Variants in TMC4 observed in about 807,000 individuals in gnomAD.
TMC4 encodes transmembrane channel like 4, also known as voltage-gated chloride channel TMC4.
In TMC4, 70 loss-of-function variants were observed where a neutral mutation model predicts 82.0. That is an observed-to-expected ratio of 0.85 (90% CI 0.70 to 1.04). TMC4 has a LOEUF of 1.04. TMC4 is among the 50% of genes least tolerant of loss of function. The probability of loss-of-function intolerance (pLI) is 0.00; values close to 1 mark genes in which losing one functional copy is unlikely to be tolerated. For synonymous variants in TMC4, 446 were observed against 406.0 expected, an observed-to-expected ratio of 1.10 and a Z score of -1.18; for missense variants, 879 against 899.0, an observed-to-expected ratio of 0.98 and a Z score of 0.28.
At position 54,168,448 on chromosome 19, in the gene TMC4, C is replaced by T. The variant is rs540864102; in HGVS notation, c.675G>A (p.Glu225=). The change falls in exon 4 of 15, where the codon GAG becomes GAA. Residue 225 remains glutamate (E), a splice_region_variant and synonymous_variant. Transcript: ENST00000619895. ...ATQLFNLLSG[E]GYLEWSPLFY... ...ATCCCCCAGGGACCCAGGCACCTAC[C>T]TCACCCGAGAGCAAGTTGAAGAGCT... is the stretch of plus-strand genomic sequence containing the variant. 13 of 1,542,096 alleles carry T rather than the reference C, an allele frequency of 8.4e-6. No homozygotes were observed. The African/African-American group carries it at 1.6e-4, about 20-fold the overall frequency.
chr19:54,172,848 C>T (rs1267197521), intron 1 of TMC4, 191 bp downstream of exon 1: 4 of 583,538 alleles, frequency 6.9e-6, no homozygotes, highest in Non-Finnish European at 1.2e-5. Context: ...TAGCCTGGTT[C>T]TCCAGGCTCC....
chr19:54,168,047 G>C, intron 5 of TMC4, 124 bp downstream of exon 5: 3 of 1,232,178 alleles, frequency 2.4e-6, no homozygotes, highest in Non-Finnish European at 3.3e-6. Context: ...TGGGCAATAA[G>C]AGCAAAACTC....
chr19:54,163,693 T>A, intron 8 of TMC4, 31 bp downstream of exon 8: 1 of 1,610,126 alleles, frequency 6.2e-7, no homozygotes. Flanking sequence ...CCACCCTTCA[T>A]CATTCCCAGC....
At chr19:54,161,405 C>G in intron 11 of TMC4, 145 bp from the exon 12 acceptor site, 1 of 989,654 alleles carries the variant, frequency 1.0e-6, no homozygotes, top group Admixed American at 3.7e-5. Flanking sequence ...GTCGCCCAGG[C>G]TGGAGTGCAG....
intron 5 of TMC4, among the ~76,000 whole-genome samples, chr19:54,167,709 C>T (rs868679518): frequency 6.6e-6 from 1 of 150,972 alleles, no homozygotes; most frequent in African/African-American, 2.4e-5. Flanking sequence ...CCTGGGCCAC[C>T]GCTCCTGGCC....
intron 13 of TMC4, 99 bp from the exon 14 acceptor site, chr19:54,160,644 T>C: frequency 6.4e-7 from 1 of 1,567,386 alleles, no homozygotes; most frequent in Non-Finnish European, 8.6e-7. Flanking sequence ...CCTAAGCCCC[T>C]CCTCGTCTGG....
At chr19:54,168,063 CAA>C (rs56242780) in intron 5 of TMC4, 106 bp downstream of exon 5, 161 of 1,043,112 alleles carry the variant, frequency 1.5e-4, no homozygotes, top group Middle Eastern at 4.6e-4. Flanking sequence ...AACTCCGTCT[CAA>C]AAAAAAAAAG....
intron 5 of TMC4, 76 bp from the exon 6 acceptor site, chr19:54,165,642 G>T: frequency 2.0e-6 from 3 of 1,487,970 alleles, no homozygotes; most frequent in Non-Finnish European, 1.8e-6. Flanking sequence ...CCCTCATATT[G>T]GGACAAATGG....
intron 11 of TMC4, among the ~76,000 whole-genome samples, chr19:54,161,822 G>A (rs1258937887): frequency 6.6e-6 from 1 of 152,178 alleles, no homozygotes; most frequent in Non-Finnish European, 1.5e-5. Context: ...GATTACAGGC[G>A]TGAGCCACTG....
Position 54,171,096 on chromosome 19 carries a change from C to CATATATAT in TMC4, c.293+773_293+774insATATATAT, listed in dbSNP as rs2075874594. Reference sequence around the variant, plus strand: ...ACATATATATGTGTATATATATACACACATATGCATATATATACGCATATA... The same window carrying CATATATAT: ...ACATATATATGTGTATATATATACACATATATATACATATGCATATATATACGCATATA... On this transcript the variant is annotated intron_variant, in intron 2 of 14. Coordinates refer to ENST00000619895, the MANE Select transcript of TMC4 (RefSeq NM_144686.4). 2.4e-4 allele frequency among the ~76,000 whole-genome samples: 7 copies of CATATATAT among 29,304 alleles called. No individual in the cohort carries two copies. The East Asian group carries it at 6.8e-3, about 29-fold the overall frequency. The allele number at this position is 29,304 out of a possible 152,430, so 19.2% of individuals were successfully genotyped here.
intron 6 of TMC4, among the ~76,000 whole-genome samples, 182 bp downstream of exon 6, chr19:54,165,237 G>A (rs995698083): frequency 6.6e-6 from 1 of 152,008 alleles, no homozygotes; most frequent in Non-Finnish European, 1.5e-5. Context: ...CACGCTTGGA[G>A]CTCGGGCAGC....
chr19:54,161,227 G>C lies in TMC4; in HGVS notation c.1720C>G (p.Arg574Gly). 2.5e-6 allele frequency: 4 copies of C among 1,571,894 alleles called. No homozygotes were observed. The highest frequency in any genetic ancestry group is 2.0e-4 in the Middle Eastern group (1 of 4,920). The stretch of plus-strand genomic sequence containing the variant: ...TTCGCCGCGGAGGCCCGGAAGGTGC[G>C]GGCAGCCGGGGAGCAGGTGGAGAAG... Reference protein sequence around the residue: ...TLFSTCSPAARTFRASAANFF... With the variant: ...TLFSTCSPAAGTFRASAANFF... Residue 574 changes from arginine to glycine, a missense_variant, in exon 12 of 15, where the codon CGC (arginine) becomes GGC (glycine). By Grantham distance (125) the Arg-to-Gly change is moderately radical. Transcript: ENST00000619895.
intron 6 of TMC4, 29 bp from the exon 7 acceptor site, chr19:54,164,630 C>T (rs375478080): frequency 5.5e-5 from 88 of 1,609,598 alleles, no homozygotes; most frequent in Non-Finnish European, 6.7e-5. Context: ...CCCGCTTGGA[C>T]TCCATTTCCC....
At chr19:54,164,667 G>A (rs549533231) in intron 6 of TMC4, 66 bp from the exon 7 acceptor site, 3 of 1,594,098 alleles carry the variant, frequency 1.9e-6, no homozygotes, top group African/African-American at 1.3e-5. Context: ...GGTTCCCCAG[G>A]TCTGGCTCTC....
chr19:54,164,440 C>T lies in TMC4; in HGVS notation c.1107G>A (p.Glu369=). Reference sequence around the variant, plus strand: ...CTTCCAAGACCGTCCGCACCTGCAGCTCCACGGTGCACCCCGTAGCCCAGT... The same window carrying T: ...CTTCCAAGACCGTCCGCACCTGCAGTTCCACGGTGCACCCCGTAGCCCAGT... ...GVYWATGCTV[E]LQEMPLVQEL... The change falls in exon 7 of 15, where the codon GAG becomes GAA. Residue 369 remains glutamate, a synonymous_variant. Coordinates refer to ENST00000619895, the MANE Select transcript of TMC4 (RefSeq NM_144686.4). The T allele has an allele frequency of 6.2e-7, 1 of 1,611,252 alleles. No homozygotes were observed. The highest frequency in any genetic ancestry group is 1.7e-5 in the Admixed American group (1 of 59,842).
At chr19:54,173,013 T>C (rs372183913) in intron 1 of TMC4, 26 bp downstream of exon 1, 1 of 1,604,520 alleles carries the variant, frequency 6.2e-7, no homozygotes, top group Non-Finnish European at 8.5e-7. Context: ...GTCGGATGGA[T>C]CTGAGCTTCT....
chr19:54,163,539 C>G, intron 8 of TMC4, 185 bp downstream of exon 8: 1 of 718,484 alleles, frequency 1.4e-6, no homozygotes, highest in Non-Finnish European at 2.4e-6. Context: ...AACTCCTGAC[C>G]TCAGCCTCGG....
At position 54,168,603 on chromosome 19, in the gene TMC4, G is replaced by C; in HGVS notation, c.520C>G (p.Leu174Val). 6.3e-7 allele frequency: 1 copy of C among 1,596,280 alleles called. No homozygotes were observed. The highest frequency in any genetic ancestry group is 8.5e-7 in the Non-Finnish European group (1 of 1,171,862). Reference sequence around the variant, plus strand: ...GGCAGCAGCGTCATGCAGGCCATGAGCACAGAGGCCAGCACGTTAAGAAGG... The same window carrying C: ...GGCAGCAGCGTCATGCAGGCCATGACCACAGAGGCCAGCACGTTAAGAAGG... ...LLLLNVLASV[L>V]MACMTLLPTW... The change falls in exon 4 of 15, where the codon CTC becomes GTC. Residue 174 changes from leucine to valine, a missense_variant. Transcript: ENST00000619895.
At chr19:54,167,428 C>T (rs996392142) in intron 5 of TMC4, among the ~76,000 whole-genome samples, 1 of 150,068 alleles carries the variant, frequency 6.7e-6, no homozygotes. Flanking sequence ...GCGTGGTGGC[C>T]GGAGCCTGTA....
Sources: gnomAD v4.1 joint callset for allele counts (sites outside exome capture counted in the v4.1 genomes callset) on GRCh38, gnomAD v4.1.1 for gene constraint, MANE v1.5 for transcripts, NCBI Gene and HGNC (gene_info 2026-07-23, HGNC 2026-07-21) for gene names.